The following HS2ST1 variants were observed in gnomAD, a reference collection of about 807,000 sequenced individuals.
HS2ST1 encodes the protein 2-O-sulfotransferase.
Under a neutral mutation model 42.9 loss-of-function variants are expected in HS2ST1, and 18 were observed. That is an observed-to-expected ratio of 0.42 (90% CI 0.29 to 0.62). The LOEUF is 0.62. Ranked by LOEUF, HS2ST1 falls within the 20% of genes least tolerant of loss-of-function variation. The pLI is 0.21. For synonymous variants in HS2ST1, 146 were observed against 152.9 expected (o/e 0.95, Z 0.33); for missense variants, 334 against 433.8 (o/e 0.77, Z 2.04).
intron 1 of HS2ST1, among the ~76,000 whole-genome samples, chr1:86,959,556 G>A (rs1647768461): frequency 6.6e-6 from 1 of 152,206 alleles, no homozygotes; most frequent in Non-Finnish European, 1.5e-5. Flanking sequence ...TACTCGGGAG[G>A]CTGAGGCAGG....
chr1:86,970,605 G>C (rs1446865303), intron 1 of HS2ST1, among the ~76,000 whole-genome samples: 1 of 152,064 alleles, frequency 6.6e-6, no homozygotes, highest in Non-Finnish European at 1.5e-5. Context: ...TGTTGGCCAG[G>C]CTGGTCTCGA....
chr1:86,915,488 C>G (rs1368936688), intron 1 of HS2ST1, among the ~76,000 whole-genome samples: 1 of 152,228 alleles, frequency 6.6e-6, no homozygotes, highest in South Asian at 2.1e-4. Flanking sequence ...TTGCTGGTCT[C>G]CGGAGACAGA....
intron 1 of HS2ST1, among the ~76,000 whole-genome samples, chr1:87,027,230 T>C (rs1650111175): frequency 6.6e-6 from 1 of 152,214 alleles, no homozygotes; most frequent in Admixed American, 6.5e-5. Context: ...TGGTATCCAC[T>C]TTCTTTTTAT....
At chr1:86,915,228 A>C in intron 1 of HS2ST1, 68 bp downstream of exon 1, 1 of 1,538,270 alleles carries the variant, frequency 6.5e-7, no homozygotes, top group Non-Finnish European at 8.8e-7. Context: ...CGCCGGAGCA[A>C]GTGGGCGTTC....
intron 1 of HS2ST1, among the ~76,000 whole-genome samples, chr1:86,973,775 G>C (rs1392822951): frequency 1.3e-5 from 2 of 152,138 alleles, no homozygotes; most frequent in Non-Finnish European, 2.9e-5. Flanking sequence ...AAACCAAGGT[G>C]GTTCTCCTTG....
intron 2 of HS2ST1, among the ~76,000 whole-genome samples, chr1:87,077,097 A>C (rs769787210): frequency 6.6e-6 from 1 of 151,918 alleles, no homozygotes; most frequent in Non-Finnish European, 1.5e-5. Flanking sequence ...TTTTTAAACA[A>C]CTCCCACTGG....
chr1:87,042,151 C>T (rs1486859409), intron 1 of HS2ST1, among the ~76,000 whole-genome samples: 1 of 152,058 alleles, frequency 6.6e-6, no homozygotes, highest in Non-Finnish European at 1.5e-5. Flanking sequence ...AAGTCCTTTG[C>T]CCATTTTTTA....
chr1:87,066,229 A>G (rs767880504), intron 1 of HS2ST1, among the ~76,000 whole-genome samples: 2 of 152,242 alleles, frequency 1.3e-5, no homozygotes, highest in Non-Finnish European at 2.9e-5. Flanking sequence ...GTTTGTTGCT[A>G]ATCTGACACG....
intron 1 of HS2ST1, among the ~76,000 whole-genome samples, chr1:86,987,648 C>T (rs1415899613): frequency 6.6e-6 from 1 of 152,168 alleles, no homozygotes; most frequent in Non-Finnish European, 1.5e-5. Context: ...CTTCAGTGGT[C>T]CACACTGCAA....
intron 1 of HS2ST1, among the ~76,000 whole-genome samples, chr1:86,987,091 A>T (rs367562197): frequency 9.5e-5 from 11 of 116,366 alleles, no homozygotes; most frequent in African/African-American, 2.9e-4. Flanking sequence ...TTTTTTTGAG[A>T]TAGAGTCTCA....
chr1:87,002,060 C>T (rs1649303806), intron 1 of HS2ST1, among the ~76,000 whole-genome samples: 1 of 151,968 alleles, frequency 6.6e-6, no homozygotes, highest in Non-Finnish European at 1.5e-5. Flanking sequence ...CTGCAGGTGC[C>T]CGCCACCAAG....
chr1:87,017,901 A>G (rs531264877), intron 1 of HS2ST1, among the ~76,000 whole-genome samples: 5 of 152,032 alleles, frequency 3.3e-5, no homozygotes, highest in African/African-American at 7.2e-5. Flanking sequence ...TTATCCATCT[A>G]TCCCCCACAA....
chr1:86,916,924 TTCC>T lies in HS2ST1; in HGVS notation c.124+1765_124+1767del, dbSNP rs1353976524. Among the ~76,000 whole-genome samples the T allele has an allele frequency of 2.0e-5, 3 of 152,330 alleles. No individual in the cohort carries two copies. The East Asian group carries it at 5.8e-4, about 29-fold the overall frequency. On this transcript the variant is annotated intron_variant, in intron 1 of 6. Coordinates refer to ENST00000370550, the MANE Select transcript of HS2ST1 (RefSeq NM_012262.4). ...ATTTTCCTCCTTTCCTAACATTTCT[TTCC>T]CCATATACTTGAAAATTGCTTCCAT...
intron 1 of HS2ST1, among the ~76,000 whole-genome samples, chr1:86,926,822 C>T (rs1557482088): frequency 6.6e-6 from 1 of 152,186 alleles, no homozygotes; most frequent in Non-Finnish European, 1.5e-5. Flanking sequence ...GAGCACAGGC[C>T]TTAGCAAGTT....
intron 1 of HS2ST1, among the ~76,000 whole-genome samples, chr1:86,976,807 A>C (rs1001327158): frequency 6.8e-6 from 1 of 148,106 alleles, no homozygotes; most frequent in East Asian, 2.0e-4. Context: ...GTGATGGCTC[A>C]TACTTGTAAT....
intron 1 of HS2ST1, among the ~76,000 whole-genome samples, chr1:87,043,594 G>T (rs1329162523): frequency 6.6e-6 from 1 of 151,940 alleles, no homozygotes; most frequent in Non-Finnish European, 1.5e-5. Flanking sequence ...AGACTTTATT[G>T]TTACAGTCCT....
At chr1:86,922,769 A>G (rs1298215724) in intron 1 of HS2ST1, among the ~76,000 whole-genome samples, 1 of 152,110 alleles carries the variant, frequency 6.6e-6, no homozygotes, top group Non-Finnish European at 1.5e-5. Context: ...GAGTTTCACT[A>G]GGTTTTTAAT....
At chr1:87,100,631 T>A (rs1652175663) in intron 5 of HS2ST1, among the ~76,000 whole-genome samples, 1 of 152,166 alleles carries the variant, frequency 6.6e-6, no homozygotes, top group African/African-American at 2.4e-5. Context: ...CCCTGCCCTA[T>A]TCCCTGGAAA....
intron 1 of HS2ST1, among the ~76,000 whole-genome samples, chr1:87,026,921 A>G (rs1353596971): frequency 6.6e-6 from 1 of 152,194 alleles, no homozygotes; most frequent in African/African-American, 2.4e-5. Context: ...ATAATAGTGA[A>G]ATTTAAAGTC....
Sources: allele counts gnomAD v4.1 joint callset (sites outside exome capture counted in the v4.1 genomes callset), GRCh38; gene constraint gnomAD v4.1.1; transcripts MANE v1.5; gene names NCBI Gene and HGNC (gene_info 2026-07-23, HGNC 2026-07-21).